Variants in ARHGAP20 observed in about 807,000 individuals in gnomAD.
The protein encoded by ARHGAP20 is Rho GTPase activating protein 20.
A neutral mutation model predicts 73.7 loss-of-function variants in ARHGAP20; 34 were observed. The observed-to-expected ratio is 0.46, with a 90% CI of 0.35 to 0.61. ARHGAP20 has a LOEUF of 0.61. Ranked by LOEUF, ARHGAP20 falls within the 20% of genes least tolerant of loss-of-function variation. ARHGAP20 has a pLI of 0.00. For missense variants in ARHGAP20, 1,314 were observed against 1,420.9 expected, an observed-to-expected ratio of 0.92 and a Z score of 1.21; for synonymous variants, 523 against 518.2, an observed-to-expected ratio of 1.01 and a Z score of -0.13.
In ARHGAP20 at chr11:110,580,175, G is replaced by C; in HGVS notation, c.2771C>G (p.Pro924Arg). ...CCTTGGGCAAAGGTTTAATCTTGGGGGTAAAACCTTCTCAGTGTTTTGGTT... is the reference window on the plus strand; with the variant it reads ...CCTTGGGCAAAGGTTTAATCTTGGGCGTAAAACCTTCTCAGTGTTTTGGTT... ...ATNQNTEKVLPPRLNLCPRTS... is the reference protein window; with the variant it reads ...ATNQNTEKVLRPRLNLCPRTS... Residue 924 changes from proline (P) to arginine (R), a missense_variant, in exon 15 of 15, where the codon CCC becomes CGC. Physicochemically the swap from Pro to Arg is moderately radical, Grantham distance 103. Coordinates refer to ENST00000683387, the MANE Select transcript of ARHGAP20 (RefSeq NM_001384657.1). 6.2e-7 allele frequency: 1 copy of C among 1,614,136 alleles called. No individual in the cohort carries two copies. Among genetic ancestry groups the C allele is most frequent in the Non-Finnish European group, 8.5e-7 (1 of 1,180,042 alleles).
chr11:110,683,896 G>T (rs1270482175), intron 2 of ARHGAP20, among the ~76,000 whole-genome samples: 1 of 152,096 alleles, frequency 6.6e-6, no homozygotes, highest in African/African-American at 2.4e-5. Flanking sequence ...TTTTGGAGGT[G>T]ATTTAGTCAT....
At chr11:110,601,294 C>T (rs1201677077) in intron 9 of ARHGAP20, among the ~76,000 whole-genome samples, 1 of 152,092 alleles carries the variant, frequency 6.6e-6, no homozygotes, top group African/African-American at 2.4e-5. Flanking sequence ...ATACTATGTG[C>T]CAAAAAAGAA....
chr11:110,644,474 C>A (rs1949143753), intron 2 of ARHGAP20, among the ~76,000 whole-genome samples: 1 of 152,040 alleles, frequency 6.6e-6, no homozygotes. Flanking sequence ...ACCAATGGAA[C>A]AGAATAGAGA....
chr11:110,648,080 CA>C (rs2135002179), intron 2 of ARHGAP20, among the ~76,000 whole-genome samples: 1 of 149,852 alleles, frequency 6.7e-6, no homozygotes, highest in African/African-American at 2.4e-5. Context: ...AAGCCTAGGA[CA>C]TTTTTTGTTT....
At chr11:110,651,518 A>T (rs1402176222) in intron 2 of ARHGAP20, among the ~76,000 whole-genome samples, 1 of 152,050 alleles carries the variant, frequency 6.6e-6, no homozygotes, top group East Asian at 1.9e-4. Context: ...AATTGAATAG[A>T]TGCAATAAAA....
At position 110,591,962 on chromosome 11, in the gene ARHGAP20, C is replaced by CA. The variant is rs1565426426; in HGVS notation, c.1143+14dup. The CA allele has an allele frequency of 6.2e-6, 10 of 1,612,838 alleles. No homozygotes were observed. On this transcript the variant is annotated intron_variant, in intron 10 of 14. Transcript: ENST00000683387. ...CACCCTTTCCCATCAGTTTACAGAC[C>CA]AAAATGAGCCTTACCAAGACAGGTT...
intron 1 of ARHGAP20, among the ~76,000 whole-genome samples, chr11:110,702,712 A>G (rs1463750200): frequency 2.0e-5 from 3 of 152,186 alleles, no homozygotes; most frequent in Non-Finnish European, 2.9e-5. Context: ...CAATGTGTGA[A>G]AATCACAAGC....
At chr11:110,701,112 G>C (rs1180089623) in intron 1 of ARHGAP20, among the ~76,000 whole-genome samples, 2 of 151,682 alleles carry the variant, frequency 1.3e-5, no homozygotes, top group Non-Finnish European at 2.9e-5. Context: ...CCCAGTAATG[G>C]GATGGCTGGG....
At chr11:110,664,147 T>A (rs570966847) in intron 2 of ARHGAP20, among the ~76,000 whole-genome samples, 122 of 152,264 alleles carry the variant, frequency 8.0e-4, no homozygotes, top group Middle Eastern at 3.4e-3. Flanking sequence ...CTAGAACCAC[T>A]TCTCTTCAAC....
chr11:110,606,486 G>T, intron 9 of ARHGAP20, 75 bp downstream of exon 9: 1 of 1,429,744 alleles, frequency 7.0e-7, no homozygotes, highest in Non-Finnish European at 9.5e-7. Context: ...TACCTCATCT[G>T]GCGGGAGGTT....
chr11:110,653,362 A>G (rs1949397229), intron 2 of ARHGAP20, among the ~76,000 whole-genome samples: 1 of 152,074 alleles, frequency 6.6e-6, no homozygotes, highest in Non-Finnish European at 1.5e-5. Context: ...CAAGGAACTT[A>G]AAACAAATTT....
intron 2 of ARHGAP20, among the ~76,000 whole-genome samples, chr11:110,684,392 C>T (rs955058278): frequency 6.6e-6 from 1 of 152,042 alleles, no homozygotes; most frequent in Non-Finnish European, 1.5e-5. Flanking sequence ...AAACAATGTT[C>T]ATATTGATTA....
chr11:110,648,488 T>TC (rs1949277390), intron 2 of ARHGAP20, among the ~76,000 whole-genome samples: 1 of 148,234 alleles, frequency 6.7e-6, no homozygotes, highest in Admixed American at 6.7e-5. Context: ...ACATGAATTT[T>TC]TTTTTTTTTT....
chr11:110,653,969 C>T (rs150042517), intron 2 of ARHGAP20, among the ~76,000 whole-genome samples: 2,797 of 152,106 alleles, frequency 0.018, 82 homozygotes, highest in African/African-American at 0.062. Context: ...ACCAAACACT[C>T]CATGTTCTCA....
intron 2 of ARHGAP20, among the ~76,000 whole-genome samples, chr11:110,658,253 C>A (rs1320322198): frequency 6.6e-6 from 1 of 152,154 alleles, no homozygotes; most frequent in Non-Finnish European, 1.5e-5. Flanking sequence ...TACATAATGG[C>A]TGTTACTACT....
At chr11:110,616,041 C>A (rs1341730716) in intron 4 of ARHGAP20, among the ~76,000 whole-genome samples, 1 of 151,884 alleles carries the variant, frequency 6.6e-6, no homozygotes, top group African/African-American at 2.4e-5. Context: ...GCTCACACGG[C>A]CATACAAATA....
At chr11:110,690,663 T>C (rs781384899) in intron 1 of ARHGAP20, 34 bp from the exon 2 acceptor site, 3 of 1,593,618 alleles carry the variant, frequency 1.9e-6, no homozygotes, top group Admixed American at 3.3e-5. Flanking sequence ...GAAGACCACA[T>C]GGCTTGTAAG....
intron 2 of ARHGAP20, among the ~76,000 whole-genome samples, chr11:110,632,354 A>C (rs1948876964): frequency 6.6e-6 from 1 of 152,136 alleles, no homozygotes. Context: ...GGTGTTATCA[A>C]TCTTTTGAAT....
chr11:110,606,628 G>A lies in ARHGAP20; in HGVS notation c.897C>T (p.Leu299=), dbSNP rs1196152171. 1 of 1,612,596 alleles carries A rather than the reference G, an allele frequency of 6.2e-7. No individual in the cohort carries two copies. The highest frequency in any genetic ancestry group is 1.3e-5 in the African/African-American group (1 of 74,710). ...TGAACTGGCACTGCATCTCTCGGGGGAGCTGTTCCATAAGGAAGGGCTCCT... is the reference window on the plus strand; with the variant it reads ...TGAACTGGCACTGCATCTCTCGGGGAAGCTGTTCCATAAGGAAGGGCTCCT... The part of the protein sequence containing the change: ...NLQEPFLMEQ[L]PREMQCQFIL... The change falls in exon 9 of 15, where the codon CTC becomes CTT. Residue 299 remains leucine, a synonymous_variant. Transcript: ENST00000683387.
Sources: gnomAD v4.1 joint callset for allele counts (sites outside exome capture counted in the v4.1 genomes callset) on GRCh38, gnomAD v4.1.1 for gene constraint, MANE v1.5 for transcripts, NCBI Gene and HGNC (gene_info 2026-07-23, HGNC 2026-07-21) for gene names.